Variants in ALDH1L2 observed in about 807,000 individuals in gnomAD.
The protein encoded by ALDH1L2 is mitochondrial 10-formyltetrahydrofolate dehydrogenase.
ALDH1L2 carries 91 observed loss-of-function variants against 111.0 expected under a neutral mutation model. The ratio of observed to expected loss-of-function variants is 0.82; its 90% CI spans 0.69 to 0.98. The LOEUF (loss-of-function observed/expected upper bound fraction) is 0.98. Ranked by LOEUF, ALDH1L2 falls within the 50% of genes least tolerant of loss-of-function variation. The pLI is 0.00. For missense variants in ALDH1L2, 995 were observed against 1,126.8 expected (o/e 0.88, Z 1.67); for synonymous variants, 374 against 392.6 (o/e 0.95, Z 0.56).
At chr12:105,037,846 C>A (rs1365307251) in intron 18 of ALDH1L2, among the ~76,000 whole-genome samples, 1 of 151,216 alleles carries the variant, frequency 6.6e-6, no homozygotes, top group Non-Finnish European at 1.5e-5. Context: ...CTCACTGCAA[C>A]CTCCGCCTCC....
intron 7 of ALDH1L2, among the ~76,000 whole-genome samples, chr12:105,062,191 C>G (rs566713535): frequency 1.5e-4 from 23 of 152,304 alleles, no homozygotes; most frequent in African/African-American, 5.5e-4. Context: ...AAGGATCTTA[C>G]CTAATTTCAT....
chr12:105,073,815 TA>T (rs2136109654), intron 2 of ALDH1L2, 45 bp downstream of exon 2: 1 of 1,611,308 alleles, frequency 6.2e-7, no homozygotes, highest in African/African-American at 1.3e-5. Context: ...CCAGCATTGG[TA>T]AGGACCTGAG....
In ALDH1L2 at chr12:105,071,642, A is replaced by ATTTTT. The variant is rs869170659; in HGVS notation, c.194-843_194-839dup. On this transcript the variant is annotated intron_variant, in intron 2 of 22. Transcript: ENST00000258494. ...TATATATATATATATATATATATAT[A>ATTTTT]TTTTTTTTTTTTTTTTTTTTTTTTT... 1.6e-3 allele frequency among the ~76,000 whole-genome samples: 17 copies of ATTTTT among 10,878 alleles called. 1 individual carries two copies. The highest frequency in any genetic ancestry group is 3.9e-3 in the East Asian group (1 of 254). The allele number at this position is 10,878 out of a possible 152,430, so 7.1% of individuals were successfully genotyped here.
intron 15 of ALDH1L2, among the ~76,000 whole-genome samples, chr12:105,044,927 G>A (rs906097092): frequency 8.6e-5 from 13 of 151,804 alleles, no homozygotes; most frequent in Admixed American, 5.9e-4. Flanking sequence ...TACTTTTTGT[G>A]TGTGTTTTTA....
chr12:105,051,428 A>G (rs903938275), intron 12 of ALDH1L2, among the ~76,000 whole-genome samples: 2 of 152,180 alleles, frequency 1.3e-5, no homozygotes, highest in African/African-American at 2.4e-5. Context: ...TTTCTCGTAT[A>G]GCTACAGATC....
chr12:105,059,969 C>T (rs1024916315), intron 9 of ALDH1L2, among the ~76,000 whole-genome samples: 4 of 152,144 alleles, frequency 2.6e-5, no homozygotes, highest in African/African-American at 9.7e-5. Flanking sequence ...CCCAGTTACT[C>T]GAAGAAAAAC....
chr12:105,037,959 G>T, intron 18 of ALDH1L2, 144 bp downstream of exon 18: 1 of 564,752 alleles, frequency 1.8e-6, no homozygotes, highest in Non-Finnish European at 3.1e-6. Context: ...TAGAGACGGG[G>T]TTTCACCATG....
intron 18 of ALDH1L2, among the ~76,000 whole-genome samples, chr12:105,036,031 G>A (rs370495025): frequency 4.4e-5 from 3 of 68,450 alleles, no homozygotes; most frequent in Non-Finnish European, 7.0e-5. Flanking sequence ...ATATATATAC[G>A]TATATTTATA....
intron 22 of ALDH1L2, 80 bp downstream of exon 22, chr12:105,026,465 A>G: frequency 6.5e-7 from 1 of 1,535,702 alleles, no homozygotes; most frequent in South Asian, 1.2e-5. Context: ...TCAAAGTCAC[A>G]CACAAGTCAT....
intron 13 of ALDH1L2, among the ~76,000 whole-genome samples, chr12:105,049,047 A>AATT (rs552153772): frequency 2.4e-4 from 37 of 151,256 alleles, no homozygotes; most frequent in Non-Finnish European, 4.4e-4. Context: ...AGAAAAAAAA[A>AATT]TTTTTTTTTA....
chr12:105,024,217 C>T lies in ALDH1L2; in HGVS notation c.*207G>A, dbSNP rs1874298672. The T allele has an allele frequency of 3.3e-6, 2 of 603,936 alleles. No homozygotes were observed. Among genetic ancestry groups the T allele is most frequent in the Non-Finnish European group, 5.9e-6 (2 of 339,040 alleles). 37.4% of individuals were successfully genotyped at this position (603,936 alleles called of 1,614,324 possible). ...TATGATATACAACATAGTCAAAATG[C>T]AACAACTCCAAATCACTGGAAGGTG... On this transcript the variant is annotated 3_prime_UTR_variant, in exon 23 of 23. Coordinates refer to ENST00000258494, the MANE Select transcript of ALDH1L2 (RefSeq NM_001034173.4).
rs7134013 is a variant in ALDH1L2, at chr12:105,040,100, G to T, written c.1952-294C>A. 0.6 allele frequency among the ~76,000 whole-genome samples: 85,415 copies of T among 142,774 alleles called. 26,660 individuals are homozygous for T. Among genetic ancestry groups the T allele is most frequent in the African/African-American group, 0.78 (29,743 of 38,078 alleles). 93.7% of individuals were successfully genotyped at this position (142,774 alleles called of 152,430 possible). On this transcript the variant is annotated intron_variant, in intron 16 of 22. Transcript: ENST00000258494. The stretch of plus-strand genomic sequence containing the variant: ...AAGATCGCGCCTTTGCACTCCAGCC[G>T]GGGCAACAGAGTGAGACTCCGTCTC...
intron 18 of ALDH1L2, 68 bp from the exon 19 acceptor site, chr12:105,034,466 A>T: frequency 7.1e-7 from 1 of 1,404,780 alleles, no homozygotes. Context: ...AAAGTTGTAC[A>T]CAGAGGGAGT....
rs779166085 is a variant in ALDH1L2, at chr12:105,073,951, G to T, written c.103C>A (p.Gln35Lys). Residue 35 changes from glutamine to lysine, a missense_variant, in exon 2 of 23, where the codon CAA (glutamine) becomes AAA (lysine). Gln to Lys is a moderately conservative substitution (Grantham distance 53). Coordinates refer to ENST00000258494, the MANE Select transcript of ALDH1L2 (RefSeq NM_001034173.4). ...TTGCGGAGGTGGCTATAGACTTCTT[G>T]TCCAAAGAGGCTCTGGCCAATTAGT... is the stretch of plus-strand genomic sequence containing the variant. Reference protein sequence around the residue: ...LALIGQSLFGQEVYSHLRKEG... With the variant: ...LALIGQSLFGKEVYSHLRKEG... The T allele has an allele frequency of 3.7e-6, 6 of 1,613,988 alleles. No individual in the cohort carries two copies. The highest frequency in any genetic ancestry group is 5.1e-6 in the Non-Finnish European group (6 of 1,180,030).
At chr12:105,043,990 C>G (rs1875691721) in intron 15 of ALDH1L2, among the ~76,000 whole-genome samples, 1 of 152,232 alleles carries the variant, frequency 6.6e-6, no homozygotes, top group Admixed American at 6.5e-5. Flanking sequence ...ATTCAGTCCT[C>G]TTGACTTTCA....
At chr12:105,040,563 T>C in intron 16 of ALDH1L2, 44 bp downstream of exon 16, 1 of 1,571,778 alleles carries the variant, frequency 6.4e-7, no homozygotes. Context: ...GCTACCCCAG[T>C]ACCATTCATT....
rs1874180961 is a variant in ALDH1L2 at position 105,021,858 on chromosome 12, T to A, written c.*2566A>T. 1 of 151,886 alleles carries A rather than the reference T, an allele frequency of 6.6e-6. No homozygotes were observed. Among genetic ancestry groups the A allele is most frequent in the African/African-American group, 2.4e-5 (1 of 41,328 alleles). 9.4% of individuals were successfully genotyped at this position (151,886 alleles called of 1,614,324 possible). A position where few individuals can be genotyped will look rare whatever the true frequency, so the allele number is the denominator to read the frequency against. ...TGGTAAGTGCTATGTTTGAAACAAG[T>A]GGGAACGCTGAGGAGAAACACTTAG... On this transcript the variant is annotated 3_prime_UTR_variant, in exon 23 of 23. Transcript: ENST00000258494.
Position 105,070,717 on chromosome 12 carries a change from G to C in ALDH1L2, c.281C>G (p.Ala94Gly), listed in dbSNP as rs1345652676. Reference sequence around the variant, plus strand: ...TAGCTCTGCACCCACGGATCTGTAGGCTTCTGCCACTTCTTTGATGGTCTT... The same window carrying C: ...TAGCTCTGCACCCACGGATCTGTAGCCTTCTGCCACTTCTTTGATGGTCTT... ...KGKTIKEVAEAYRSVGAELNV... is the reference protein window; with the variant it reads ...KGKTIKEVAEGYRSVGAELNV... Residue 94 changes from alanine to glycine, a missense_variant, in exon 3 of 23, where the codon GCC becomes GGC. Ala to Gly is a moderately conservative substitution (Grantham distance 60). Transcript: ENST00000258494. 4 of 1,614,142 alleles carry C rather than the reference G, an allele frequency of 2.5e-6. No individual in the cohort carries two copies. In the Admixed American group the frequency reaches 6.7e-5, roughly 27 times the overall value.
Position 105,066,500 on chromosome 12 carries a change from G to A in ALDH1L2, c.696+68C>T, listed in dbSNP as rs1877361759. The A allele has an allele frequency of 1.5e-5, 21 of 1,430,634 alleles. 1 individual carries two copies. Among genetic ancestry groups the A allele is most frequent in the South Asian group, 3.6e-5 (3 of 83,478 alleles). 88.6% of individuals were successfully genotyped at this position (1,430,634 alleles called of 1,614,324 possible). A position where few individuals can be genotyped will look rare whatever the true frequency, so the allele number is the denominator to read the frequency against. The stretch of plus-strand genomic sequence containing the variant: ...TTACCTTTTGGCAAGATCATAGTAT[G>A]TGGGGAACTACTGAAGGGTAGAGGG... On this transcript the variant is annotated intron_variant, in intron 5 of 22. Coordinates refer to ENST00000258494, the MANE Select transcript of ALDH1L2 (RefSeq NM_001034173.4).
Sources: gnomAD v4.1 joint callset for allele counts (sites outside exome capture counted in the v4.1 genomes callset) on GRCh38, gnomAD v4.1.1 for gene constraint, MANE v1.5 for transcripts, NCBI Gene and HGNC (gene_info 2026-07-23, HGNC 2026-07-21) for gene names.